PLCD1: variants seen among roughly 807,000 people sequenced by gnomAD.
The protein encoded by PLCD1 is 1-phosphatidylinositol 4,5-bisphosphate phosphodiesterase delta-1.
A neutral mutation model predicts 87.4 loss-of-function variants in PLCD1; 71 were observed. The ratio of observed to expected loss-of-function variants is 0.81; its 90% CI spans 0.67 to 0.99. The LOEUF (loss-of-function observed/expected upper bound fraction) is 0.99. PLCD1 is among the 50% of genes least tolerant of loss of function. The pLI, the probability that PLCD1 is intolerant of heterozygous loss-of-function variation, is 0.00. For synonymous variants in PLCD1, 348 were observed against 399.2 expected (o/e 0.87, Z 1.53); for missense variants, 867 against 1,001.5 (o/e 0.87, Z 1.81).
chr3:38,016,418 C>T, intron 3 of PLCD1, 73 bp downstream of exon 3: 1 of 1,002,200 alleles, frequency 1.0e-6, no homozygotes, highest in Non-Finnish European at 1.6e-6. Flanking sequence ...GCTTCCATAC[C>T]CAAGTTGCCC....
rs146904590 is a variant in PLCD1, at chr3:38,008,162, A to T, written c.2037T>A (p.Gly679=). ...ACTCCGTGTCCCACCATGGGTTGAA[A>T]CCTAGGGGGACAGGCACCATATCAG... ...SRQTAVITNN[G]FNPWWDTEFA... Residue 679 remains glycine (G), a splice_region_variant and synonymous_variant, in exon 14 of 15, where the codon GGT becomes GGA. Transcript: ENST00000334661. 123 of 1,613,430 alleles carry T rather than the reference A, an allele frequency of 7.6e-5. No homozygotes were observed. Among genetic ancestry groups the T allele is most frequent in the Middle Eastern group, 3.3e-4 (2 of 6,084 alleles).
chr3:38,008,693 C>A (rs1700010147), intron 11 of PLCD1, 57 bp from the exon 12 acceptor site: 6 of 1,488,712 alleles, frequency 4.0e-6, no homozygotes, highest in Non-Finnish European at 4.7e-6. Context: ...CCCTAGAGCA[C>A]AGCCTGCTCA....
Position 38,018,552 on chromosome 3 carries a change from C to T in PLCD1, c.199+1636G>A, listed in dbSNP as rs960202087. Among the ~76,000 whole-genome samples the T allele has an allele frequency of 1.3e-5, 2 of 152,172 alleles. No homozygotes were observed. Among genetic ancestry groups the T allele is most frequent in the African/African-American group, 2.4e-5 (1 of 41,436 alleles). On this transcript the variant is annotated intron_variant, in intron 2 of 14. Coordinates refer to ENST00000334661, the MANE Select transcript of PLCD1 (RefSeq NM_006225.4). This position sits in a 1 kb window ranked among gnomAD's most constrained non-coding sequence, Gnocchi z 5.7. Reference sequence around the variant, plus strand: ...CTCGCCAGCTCAAATGTGGTTCCTGCGGGGAAAGGCCTGGGTCTTCCACTC... The same window carrying T: ...CTCGCCAGCTCAAATGTGGTTCCTGTGGGGAAAGGCCTGGGTCTTCCACTC...
intron 1 of PLCD1, chr3:38,024,379 C>G (rs375075065): frequency 1.2e-6 from 2 of 1,612,968 alleles, no homozygotes; most frequent in South Asian, 1.1e-5. Flanking sequence ...AGGCTCCGCT[C>G]CTGCAGGTAG....
At chr3:38,007,956 A>AAGAG in intron 14 of PLCD1, 58 bp downstream of exon 14, 33 of 1,611,864 alleles carry the variant, frequency 2.0e-5, no homozygotes, top group Non-Finnish European at 2.7e-5. Flanking sequence ...GCCCCAGCCC[A>AAGAG]AGAGACGCCA....
At position 38,009,660 on chromosome 3, in the gene PLCD1, T is replaced by C; in HGVS notation, c.1439A>G (p.Lys480Arg). 6.2e-7 allele frequency: 1 copy of C among 1,613,990 alleles called. No homozygotes were observed. The change falls in exon 9 of 15, where the codon AAG becomes AGG. Residue 480 changes from lysine (K) to arginine (R), a missense_variant. Coordinates refer to ENST00000334661, the MANE Select transcript of PLCD1 (RefSeq NM_006225.4). ...CACAGCTCCCCCTCAAACCTTGGGC[T>C]TGTGCTGCACACGGCTCCTCACTGC... ...DEAVRSRVQH[K>R]PKEDKLRLAQ...
chr3:38,009,912 A>G lies in PLCD1; in HGVS notation c.1279T>C (p.Ser427Pro). The G allele has an allele frequency of 6.2e-7, 1 of 1,603,736 alleles. No homozygotes were observed. Among genetic ancestry groups the G allele is most frequent in the South Asian group, 1.1e-5 (1 of 90,122 alleles). ...CCATCCCCACCACACACCTCAGGGG[A>G]GGGCAGGCTGTTGGTGACCCCATCC... ...PLDGVTNSLP[S>P]PEQLKGKILL... The change falls in exon 8 of 15, where the codon TCC (serine) becomes CCC (proline). Residue 427 changes from serine (S) to proline (P), a missense_variant. By Grantham distance (74) the Ser-to-Pro change is moderately conservative. Coordinates refer to ENST00000334661, the MANE Select transcript of PLCD1 (RefSeq NM_006225.4).
chr3:38,011,483 C>T (rs113784246), intron 4 of PLCD1, 38 bp from the exon 5 acceptor site: 2 of 1,613,928 alleles, frequency 1.2e-6, no homozygotes. Flanking sequence ...TCAGAGCAGG[C>T]CTTGGGCCGG....
chr3:38,029,618 C>A lies in PLCD1; in HGVS notation c.-79G>T. The A allele has an allele frequency of 7.2e-7, 1 of 1,386,976 alleles. No homozygotes were observed. Among genetic ancestry groups the A allele is most frequent in the East Asian group, 2.5e-5 (1 of 39,998 alleles). The allele number at this position is 1,386,976 out of a possible 1,614,324, so 85.9% of individuals were successfully genotyped here. A position where few individuals can be genotyped will look rare whatever the true frequency, so the allele number is the denominator to read the frequency against. ...CAGCACCGGCGGCCTGGGGTCCGAG[C>A]GGAGTGCGGTGCAGGGACCTGAATG... On this transcript the variant is annotated 5_prime_UTR_variant, in exon 1 of 15. Transcript: ENST00000334661.
intron 3 of PLCD1, among the ~76,000 whole-genome samples, chr3:38,015,940 A>T (rs983827649): frequency 3.9e-5 from 6 of 152,192 alleles, no homozygotes; most frequent in African/African-American, 1.4e-4. Context: ...CTGGTGACAG[A>T]CGGGGACACA....
At chr3:38,013,928 T>C (rs1700119915) in intron 3 of PLCD1, among the ~76,000 whole-genome samples, 1 of 152,206 alleles carries the variant, frequency 6.6e-6, no homozygotes, top group Non-Finnish European at 1.5e-5. Context: ...GGAGTGGACA[T>C]ACACCAGCAA....
At chr3:38,029,402 T>G in intron 1 of PLCD1, 104 bp downstream of exon 1, 1 of 1,015,408 alleles carries the variant, frequency 9.8e-7, no homozygotes, top group Non-Finnish European at 1.5e-6. Flanking sequence ...CGGGGTGGTG[T>G]GGAGGCGGCC....
intron 3 of PLCD1, among the ~76,000 whole-genome samples, chr3:38,013,587 A>G (rs1700115318): frequency 6.6e-6 from 1 of 152,242 alleles, no homozygotes; most frequent in Non-Finnish European, 1.5e-5. Context: ...TTTTCTGTGT[A>G]ACATTATATC....
intron 2 of PLCD1, among the ~76,000 whole-genome samples, chr3:38,019,543 G>A (rs1305691091): frequency 1.4e-4 from 22 of 152,196 alleles, no homozygotes; most frequent in Non-Finnish European, 3.2e-4. Flanking sequence ...CTTAAAGGGA[G>A]AGAACTGAGT....
In PLCD1 at chr3:38,010,116, C is replaced by A. The variant is rs1700046378; in HGVS notation, c.1137+15G>T. Reference sequence around the variant, plus strand: ...CCCTAGCATCCCACTCCTCACCTGCCAGGGGCACTCCCACCTTGAAGGCAT... The same window carrying A: ...CCCTAGCATCCCACTCCTCACCTGCAAGGGGCACTCCCACCTTGAAGGCAT... On this transcript the variant is annotated intron_variant, in intron 7 of 14. Transcript: ENST00000334661. The A allele has an allele frequency of 6.2e-7, 1 of 1,614,126 alleles. No individual in the cohort carries two copies. Among genetic ancestry groups the A allele is most frequent in the Admixed American group, 1.7e-5 (1 of 60,012 alleles).
At position 38,011,234 on chromosome 3, in the gene PLCD1, C is replaced by T. The variant is rs933135; in HGVS notation, c.770G>A (p.Arg257His). The change falls in exon 5 of 15, where the codon CGC becomes CAC. Residue 257 changes from arginine to histidine, a missense_variant. Coordinates refer to ENST00000334661, the MANE Select transcript of PLCD1 (RefSeq NM_006225.4). ...CTCACCAGTCTCGCTGGGCTCGTAG[C>T]GCTCAATGAGGGAGAGGGCCAGCGC... The part of the protein sequence containing the change: ...GPALALSLIE[R>H]YEPSETAKAQ... The T allele has an allele frequency of 0.029, 46,777 of 1,609,866 alleles. 2,223 individuals carry two copies. Among genetic ancestry groups the T allele is most frequent in the East Asian group, 0.23 (10,399 of 44,852 alleles).
chr3:38,024,401 G>GCGGCTC (rs753968205), intron 1 of PLCD1: 1 of 1,612,664 alleles, frequency 6.2e-7, no homozygotes, highest in Non-Finnish European at 8.5e-7. Context: ...GCTCCCTGGA[G>GCGGCTC]CGGCTCCGGC....
Position 38,029,640 on chromosome 3 carries a change from A to G in PLCD1, c.-101T>C. 2 of 1,092,154 alleles carry G rather than the reference A, an allele frequency of 1.8e-6. No homozygotes were observed. The allele number at this position is 1,092,154 out of a possible 1,614,324, so 67.7% of individuals were successfully genotyped here. A position where few individuals can be genotyped will look rare whatever the true frequency, so the allele number is the denominator to read the frequency against. ...GAGCGGAGTGCGGTGCAGGGACCTG[A>G]ATGGACCGCGGTGGGAGGAGGCCGG... is the stretch of plus-strand genomic sequence containing the variant. On this transcript the variant is annotated 5_prime_UTR_variant, in exon 1 of 15. Coordinates refer to ENST00000334661, the MANE Select transcript of PLCD1 (RefSeq NM_006225.4).
rs535425850 is a variant in PLCD1 at position 38,019,351 on chromosome 3, T to C, written c.199+837A>G. Among the ~76,000 whole-genome samples the C allele has an allele frequency of 2.0e-5, 3 of 152,358 alleles. No individual in the cohort carries two copies. The South Asian group carries it at 6.2e-4, about 32-fold the overall frequency. On this transcript the variant is annotated intron_variant, in intron 2 of 14. Transcript: ENST00000334661. ...TGAGAATTCAGTTCGGCAGTCACAC[T>C]AGCCACATTTCAAGGTCTCAATCAA...
Sources: gnomAD v4.1 joint callset for allele counts (sites outside exome capture counted in the v4.1 genomes callset) on GRCh38, gnomAD v4.1.1 for gene constraint, Gnocchi (gnomAD v3.1) non-coding constraint, MANE v1.5 for transcripts, NCBI Gene and HGNC (gene_info 2026-07-23, HGNC 2026-07-21) for gene names.